NAV1: variants seen among roughly 807,000 people sequenced by gnomAD.
The protein encoded by NAV1 is pore membrane and/or filament interacting like protein 3.
NAV1 carries 18 observed loss-of-function variants against 175.2 expected under a neutral mutation model. The observed-to-expected ratio is 0.10, with a 90% CI of 0.07 to 0.15. The LOEUF is 0.15. NAV1 is among the 10% of genes least tolerant of loss of function. The pLI is 1.00. For missense variants in NAV1, 1,731 were observed against 2,436.6 expected (o/e 0.71, Z 6.10); for synonymous variants, 897 against 978.7 (o/e 0.92, Z 1.56).
At chr1:201,765,739 C>T (rs1675176762) in intron 3 of NAV1, among the ~76,000 whole-genome samples, 1 of 152,120 alleles carries the variant, frequency 6.6e-6, no homozygotes, top group Admixed American at 6.6e-5. Context: ...TCATAATCTT[C>T]CCAGTTGGGT....
At chr1:201,811,618 C>A in exon 25 of NAV1, 3 of 1,614,106 alleles carry the variant, frequency 1.9e-6, no homozygotes, top group Non-Finnish European at 2.5e-6. Context: ...GCAACTGTAT[C>A]TTTCCAACCT....
intron 1 of NAV1, among the ~76,000 whole-genome samples, chr1:201,672,447 C>A (rs1670078074): frequency 6.6e-6 from 1 of 152,118 alleles, no homozygotes; most frequent in Admixed American, 6.6e-5. Context: ...AGACAGTTTA[C>A]CCAGATTTTG....
At chr1:201,675,525 A>G (rs975304476) in intron 1 of NAV1, among the ~76,000 whole-genome samples, 4 of 152,172 alleles carry the variant, frequency 2.6e-5, no homozygotes, top group Non-Finnish European at 4.4e-5. Context: ...CATAAACACT[A>G]CTATTACTTA....
At chr1:201,619,009 G>A (rs983787837), upstream of NAV1, among the ~76,000 whole-genome samples, 7 of 152,066 alleles carry the variant, frequency 4.6e-5, no homozygotes, top group African/African-American at 1.7e-4. Flanking sequence ...CTCCCACCTG[G>A]GGGCAATCCT....
In NAV1 at chr1:201,702,406, G is replaced by A. The variant is rs147605081; in HGVS notation, c.758-10411G>A. On this transcript the variant is annotated intron_variant, in intron 1 of 29. Transcript: ENST00000367296. ...TTTGAGATGGAGTTTCACTCTTGTTGCCCAGGCTGGAGTGCAATGGTGCGA... is the reference window on the plus strand; with the variant it reads ...TTTGAGATGGAGTTTCACTCTTGTTACCCAGGCTGGAGTGCAATGGTGCGA... 2.1e-3 allele frequency among the ~76,000 whole-genome samples: 314 copies of A among 152,124 alleles called. 12 individuals are homozygous for A. In the East Asian group the frequency reaches 0.054, roughly 26 times the overall value.
At chr1:201,601,554 G>A (rs1460785489) in intron 2 of NAV1, among the ~76,000 whole-genome samples, 1 of 152,136 alleles carries the variant, frequency 6.6e-6, no homozygotes, top group Non-Finnish European at 1.5e-5. Context: ...GGTCATGAGG[G>A]CAGAGCCTTC....
At chr1:201,569,085 G>A (rs1389619093) in intron 1 of NAV1, among the ~76,000 whole-genome samples, 1 of 152,092 alleles carries the variant, frequency 6.6e-6, no homozygotes, top group Non-Finnish European at 1.5e-5. Flanking sequence ...GCAAACCCAG[G>A]CCACTCCCCC....
intron 1 of NAV1, among the ~76,000 whole-genome samples, chr1:201,566,128 T>G (rs907751674): frequency 6.6e-6 from 1 of 152,108 alleles, no homozygotes; most frequent in Non-Finnish European, 1.5e-5. Flanking sequence ...CATCTCCCAG[T>G]TTCCTCCCGA....
intron 2 of NAV1, among the ~76,000 whole-genome samples, chr1:201,592,555 C>T (rs1347226959): frequency 1.3e-5 from 2 of 152,164 alleles, no homozygotes; most frequent in Non-Finnish European, 2.9e-5. Context: ...CCACTTATTC[C>T]ATGTAAGGTG....
At chr1:201,729,670 G>T (rs187515551) in intron 3 of NAV1, among the ~76,000 whole-genome samples, 157 of 152,126 alleles carry the variant, frequency 1.0e-3, no homozygotes, top group African/African-American at 3.6e-3. Context: ...ACTTCGGGAG[G>T]CCGAGGCGGG....
chr1:201,785,788 CTTTTTTTTTT>C (rs34841837), intron 8 of NAV1, among the ~76,000 whole-genome samples: 1 of 99,568 alleles, frequency 1.0e-5, no homozygotes, highest in Non-Finnish European at 1.9e-5. Context: ...ACTATTGCAA[CTTTTTTTTTT>C]TTTTTTTTTT....
In NAV1 at chr1:201,810,408, A is replaced by G; in HGVS notation, c.4562-115A>G. The G allele has an allele frequency of 2.0e-6, 2 of 998,242 alleles. No individual in the cohort carries two copies. Among genetic ancestry groups the G allele is most frequent in the Admixed American group, 5.4e-5 (2 of 37,302 alleles). 61.8% of individuals were successfully genotyped at this position (998,242 alleles called of 1,614,324 possible). ...GGGACTCTTATGGAACCATGGGGCAAGTGGCTCTGAGTTTCTTCAGGGGGC... is the reference window on the plus strand; with the variant it reads ...GGGACTCTTATGGAACCATGGGGCAGGTGGCTCTGAGTTTCTTCAGGGGGC... On this transcript the variant is annotated intron_variant, in intron 23 of 29. Coordinates refer to ENST00000367296, the Ensembl canonical transcript of NAV1. The surrounding 1 kb of genome is among the most constrained non-coding windows in gnomAD (Gnocchi z 6.0).
At chr1:201,816,266 G>A (rs1481714369) in intron 28 of NAV1, among the ~76,000 whole-genome samples, 1 of 152,114 alleles carries the variant, frequency 6.6e-6, no homozygotes, top group Non-Finnish European at 1.5e-5. Flanking sequence ...AGCTAGTTGG[G>A]AGGCTGAAGT....
At chr1:201,649,293 A>C in exon 1 of NAV1, 1 of 1,613,100 alleles carries the variant, frequency 6.2e-7, no homozygotes, top group Non-Finnish European at 8.5e-7. Context: ...CAGCAAGGCC[A>C]AGGCGCAAAA....
At chr1:201,680,625 T>C (rs1670428552) in intron 1 of NAV1, among the ~76,000 whole-genome samples, 3 of 152,188 alleles carry the variant, frequency 2.0e-5, no homozygotes. Flanking sequence ...TCATGAGGGA[T>C]CTGGCCCCAT....
At chr1:201,607,118 T>C in intron 2 of NAV1, among the ~76,000 whole-genome samples, 1 of 135,570 alleles carries the variant, frequency 7.4e-6, no homozygotes, top group Non-Finnish European at 1.6e-5. Context: ...TTTTTTTCTT[T>C]TTTTTTTTTT....
At chr1:201,681,640 TC>T (rs1161921300) in intron 1 of NAV1, among the ~76,000 whole-genome samples, 1 of 152,088 alleles carries the variant, frequency 6.6e-6, no homozygotes, top group African/African-American at 2.4e-5. Context: ...AACACCTACT[TC>T]CTCCATCTTC....
intron 1 of NAV1, among the ~76,000 whole-genome samples, chr1:201,545,707 T>C (rs1218315332): frequency 6.6e-6 from 1 of 152,256 alleles, no homozygotes; most frequent in East Asian, 1.9e-4. Context: ...CATAGGCAGA[T>C]CACCTATTTA....
At chr1:201,580,134 T>G (rs1666805843) in intron 1 of NAV1, among the ~76,000 whole-genome samples, 1 of 152,204 alleles carries the variant, frequency 6.6e-6, no homozygotes, top group South Asian at 2.1e-4. Context: ...TTCACTTTTT[T>G]GTTCTGCCTT....
Sources: allele counts gnomAD v4.1 joint callset (sites outside exome capture counted in the v4.1 genomes callset), GRCh38; gene constraint gnomAD v4.1.1; non-coding constraint Gnocchi (gnomAD v3.1); transcripts MANE v1.5; gene names NCBI Gene and HGNC (gene_info 2026-07-23, HGNC 2026-07-21).